The following KIF16B variants were observed in gnomAD, a reference collection of about 807,000 sequenced individuals.
KIF16B encodes the protein kinesin family member 16B, also known as kinesin-like protein KIF16B.
KIF16B carries 98 observed loss-of-function variants against 156.3 expected under a neutral mutation model. The observed-to-expected ratio is 0.63, with a 90% CI of 0.53 to 0.74. The LOEUF is 0.74. Ranked by LOEUF, KIF16B falls within the 30% of genes least tolerant of loss-of-function variation. The pLI is 0.00. For synonymous variants in KIF16B, 564 were observed against 583.7 expected (o/e 0.97, Z 0.49); for missense variants, 1,421 against 1,606.5 (o/e 0.88, Z 1.97).
intron 3 of KIF16B, among the ~76,000 whole-genome samples, chr20:16,519,973 G>A (rs923563822): frequency 2.0e-5 from 3 of 152,130 alleles, no homozygotes; most frequent in South Asian, 4.1e-4. Flanking sequence ...TGCCGTGAGG[G>A]ATGGTGCATT....
intron 15 of KIF16B, among the ~76,000 whole-genome samples, chr20:16,423,529 T>C (rs2066276899): frequency 1.3e-5 from 2 of 152,176 alleles, no homozygotes; most frequent in Non-Finnish European, 2.9e-5. Context: ...GTGACCTTGT[T>C]CTACTCATGT....
intron 22 of KIF16B, among the ~76,000 whole-genome samples, chr20:16,365,404 T>G (rs1299665261): frequency 1.3e-5 from 2 of 152,114 alleles, no homozygotes; most frequent in Non-Finnish European, 2.9e-5. Context: ...CCTTTAGGTA[T>G]AAGGTAATAA....
At chr20:16,364,612 C>T (rs1042074406) in intron 22 of KIF16B, among the ~76,000 whole-genome samples, 43 of 152,206 alleles carry the variant, frequency 2.8e-4, no homozygotes, top group African/African-American at 1.0e-3. Flanking sequence ...ATGGCACCAA[C>T]AATACTCCAC....
intron 24 of KIF16B, among the ~76,000 whole-genome samples, chr20:16,326,725 G>T (rs879324251): frequency 5.9e-5 from 9 of 151,984 alleles, no homozygotes; most frequent in Non-Finnish European, 1.0e-4. Flanking sequence ...CTTGCTGGTG[G>T]GAATGTAAAC....
At chr20:16,396,120 C>T (rs4813218) in intron 17 of KIF16B, among the ~76,000 whole-genome samples, 15,898 of 152,110 alleles carry the variant, frequency 0.1, 1,005 homozygotes, top group Non-Finnish European at 0.15. Flanking sequence ...AAATAAGGTA[C>T]GGCAGGGGTA....
At chr20:16,353,521 G>A (rs1224829011) in intron 23 of KIF16B, among the ~76,000 whole-genome samples, 1 of 151,992 alleles carries the variant, frequency 6.6e-6, no homozygotes, top group Non-Finnish European at 1.5e-5. Context: ...TATGTGGCAG[G>A]CACTGTTTCA....
At position 16,528,593 on chromosome 20, in the gene KIF16B, C is replaced by A. The variant is rs138335366; in HGVS notation, c.48-153G>T. 1.5e-3 allele frequency among the ~76,000 whole-genome samples: 232 copies of A among 152,248 alleles called. 2 individuals are homozygous for A. The highest frequency in any genetic ancestry group is 1.6e-3 in the Non-Finnish European group (110 of 68,014). On this transcript the variant is annotated intron_variant, in intron 1 of 25. Transcript: ENST00000354981. ...ATCCCAGACACGGCTCCTCCCAAATCCTTACTAATATAACATGAAGATACG... is the reference window on the plus strand; with the variant it reads ...ATCCCAGACACGGCTCCTCCCAAATACTTACTAATATAACATGAAGATACG...
At chr20:16,333,428 A>G (rs971182268) in intron 24 of KIF16B, among the ~76,000 whole-genome samples, 3 of 152,192 alleles carry the variant, frequency 2.0e-5, no homozygotes, top group Non-Finnish European at 2.9e-5. Flanking sequence ...TCTCTACTTC[A>G]TGAGAAGAGG....
chr20:16,544,732 T>A lies in KIF16B; in HGVS notation c.48-16292A>T, dbSNP rs180900864. On this transcript the variant is annotated intron_variant, in intron 1 of 25. Transcript: ENST00000354981. ...CAGTTACCACATTTGACCTGCTTAC[T>A]GATGGGCTACTATACATTTGTCTTC... 8.2e-4 allele frequency among the ~76,000 whole-genome samples: 125 copies of A among 151,988 alleles called. 1 individual carries two copies. Among genetic ancestry groups the A allele is most frequent in the African/African-American group, 2.9e-3 (121 of 41,496 alleles).
chr20:16,403,140 T>C (rs1441145486), intron 17 of KIF16B, among the ~76,000 whole-genome samples: 1 of 152,196 alleles, frequency 6.6e-6, no homozygotes, highest in East Asian at 1.9e-4. Context: ...ATAACGATAG[T>C]ACCTGGATTC....
intron 1 of KIF16B, among the ~76,000 whole-genome samples, chr20:16,544,481 TCTA>T (rs1200716407): frequency 6.6e-6 from 1 of 151,534 alleles, no homozygotes; most frequent in Non-Finnish European, 1.5e-5. Flanking sequence ...GTGGCAGGTG[TCTA>T]TAATCCCAGC....
At chr20:16,452,829 C>T (rs1447722952) in intron 12 of KIF16B, among the ~76,000 whole-genome samples, 5 of 139,424 alleles carry the variant, frequency 3.6e-5, no homozygotes, top group East Asian at 2.2e-4. Context: ...AGTGAGACTC[C>T]GTCTCAAAAA....
intron 23 of KIF16B, among the ~76,000 whole-genome samples, chr20:16,353,940 G>A (rs540553162): frequency 1.1e-4 from 17 of 152,256 alleles, no homozygotes; most frequent in African/African-American, 1.7e-4. Context: ...ACCTAGGGAC[G>A]AACAGAAAAA....
chr20:16,432,498 T>C (rs1279038526), intron 12 of KIF16B, among the ~76,000 whole-genome samples: 1 of 152,180 alleles, frequency 6.6e-6, no homozygotes, highest in East Asian at 1.9e-4. Context: ...CTCTGTGTCA[T>C]TTAAGTATTA....
intron 10 of KIF16B, among the ~76,000 whole-genome samples, chr20:16,503,639 C>T (rs527804756): frequency 6.6e-6 from 1 of 152,316 alleles, no homozygotes; most frequent in Admixed American, 6.5e-5. Context: ...TCCAGTCTAA[C>T]TTCAACATTT....
chr20:16,518,327 T>G (rs2069214565), intron 3 of KIF16B, among the ~76,000 whole-genome samples: 1 of 152,138 alleles, frequency 6.6e-6, no homozygotes, highest in Non-Finnish European at 1.5e-5. Context: ...CGGGGCCTGC[T>G]TTATGAGACT....
intron 23 of KIF16B, among the ~76,000 whole-genome samples, chr20:16,356,088 G>A (rs538289764): frequency 4.6e-5 from 7 of 152,148 alleles, no homozygotes; most frequent in East Asian, 3.9e-4. Flanking sequence ...CACCCTACCC[G>A]TAGGGTGTGG....
chr20:16,347,061 G>A (rs957062457), intron 23 of KIF16B, among the ~76,000 whole-genome samples: 25 of 152,064 alleles, frequency 1.6e-4, no homozygotes, highest in African/African-American at 5.8e-4. Flanking sequence ...TTCAGGTCCC[G>A]ATTTCTTCAT....
intron 17 of KIF16B, among the ~76,000 whole-genome samples, chr20:16,391,839 G>A (rs903508667): frequency 5.3e-5 from 8 of 152,198 alleles, no homozygotes; most frequent in African/African-American, 2.4e-5. Context: ...TCAGAGGACA[G>A]AGATCCCCAC....
Sources: allele counts gnomAD v4.1 joint callset (sites outside exome capture counted in the v4.1 genomes callset), GRCh38; gene constraint gnomAD v4.1.1; transcripts MANE v1.5; gene names NCBI Gene and HGNC (gene_info 2026-07-23, HGNC 2026-07-21).